POLR3G: variants seen among roughly 807,000 people sequenced by gnomAD.
The protein encoded by POLR3G is RNA polymerase III subunit G, also known as DNA-directed RNA polymerase III subunit RPC7.
In POLR3G, 28 loss-of-function variants were observed where a neutral mutation model predicts 30.1. The observed-to-expected ratio is 0.93, with a 90% confidence interval of 0.69 to 1.27. The LOEUF (loss-of-function observed/expected upper bound fraction) is 1.27, where lower values mean the gene tolerates loss of function less well. POLR3G is among the 50% of genes most tolerant of loss of function. The pLI, the probability that POLR3G is intolerant of heterozygous loss-of-function variation, is 0.00. For missense variants in POLR3G, 254 were observed against 264.6 expected, an observed-to-expected ratio of 0.96 and a Z score of 0.28; for synonymous variants, 79 against 82.5, an observed-to-expected ratio of 0.96 and a Z score of 0.23.
Position 90,511,919 on chromosome 5 carries a change from A to G in POLR3G, c.586-134A>G, listed in dbSNP as rs192094420. 7 of 625,072 alleles carry G rather than the reference A, an allele frequency of 1.1e-5. No individual in the cohort carries two copies. The Admixed American group carries it at 2.0e-4, about 18-fold the overall frequency. 38.7% of individuals were successfully genotyped at this position (625,072 alleles called of 1,614,324 possible). A position where few individuals can be genotyped will look rare whatever the true frequency, so the allele number is the denominator to read the frequency against. On this transcript the variant is annotated intron_variant, in intron 7 of 7. Coordinates refer to ENST00000651687, the MANE Select transcript of POLR3G (RefSeq NM_006467.3). Reference sequence around the variant, plus strand: ...GGAAGGTGGTGGTCTTAAGGAAGAAAGCGGCACAGGTAAACACAAGTGAAA... The same window carrying G: ...GGAAGGTGGTGGTCTTAAGGAAGAAGGCGGCACAGGTAAACACAAGTGAAA...
intron 3 of POLR3G, among the ~76,000 whole-genome samples, chr5:90,493,325 C>T (rs555511411): frequency 2.0e-5 from 3 of 152,208 alleles, no homozygotes; most frequent in Admixed American, 2.0e-4. Context: ...CAGCTCACTG[C>T]AGCCTCCACC....
Position 90,488,049 on chromosome 5 carries a change from A to G in POLR3G, c.167A>G (p.Tyr56Cys), listed in dbSNP as rs1751536498. 1.9e-6 allele frequency: 3 copies of G among 1,612,030 alleles called. No homozygotes were observed. The highest frequency in any genetic ancestry group is 2.5e-6 in the Non-Finnish European group (3 of 1,179,100). ...VPLKTGEGEE[Y>C]MLALKQELRE... ...CTGAAAACAGGAGAAGGTGAAGAAT[A>G]TATGCTGGCTTTGAAACAGGAGTTG... Residue 56 changes from tyrosine (Y) to cysteine (C), a missense_variant, in exon 3 of 8, where the codon TAT (tyrosine) becomes TGT (cysteine). By Grantham distance (194) the Tyr-to-Cys change is radical. Transcript: ENST00000651687.
At chr5:90,487,610 C>G (rs1181033730) in intron 2 of POLR3G, among the ~76,000 whole-genome samples, 1 of 151,810 alleles carries the variant, frequency 6.6e-6, no homozygotes, top group East Asian at 1.9e-4. Context: ...CCAGGATGGT[C>G]TCGATCTCCT....
At chr5:90,480,953 C>T (rs1751095959) in intron 1 of POLR3G, among the ~76,000 whole-genome samples, 2 of 152,060 alleles carry the variant, frequency 1.3e-5, no homozygotes, top group African/African-American at 2.4e-5. Flanking sequence ...GGATATTTTC[C>T]TGCTTTTTTA....
At chr5:90,509,476 G>T (rs916846058) in intron 7 of POLR3G, among the ~76,000 whole-genome samples, 1 of 152,170 alleles carries the variant, frequency 6.6e-6, no homozygotes, top group Admixed American at 6.5e-5. Flanking sequence ...GACAAAAAAG[G>T]TAACAGTTAA....
chr5:90,477,751 G>A (rs1750908705), intron 1 of POLR3G, among the ~76,000 whole-genome samples: 2 of 152,130 alleles, frequency 1.3e-5, no homozygotes, highest in Admixed American at 6.5e-5. Flanking sequence ...TGGACGAAAC[G>A]CGCAAAGCAA....
chr5:90,474,013 G>T, upstream of POLR3G: 1 of 1,596,930 alleles, frequency 6.3e-7, no homozygotes, highest in Non-Finnish European at 8.5e-7. Flanking sequence ...CGGTCGAACT[G>T]GTAGAGGCCG....
intron 6 of POLR3G, among the ~76,000 whole-genome samples, chr5:90,505,666 C>T (rs1561258489): frequency 6.6e-6 from 1 of 151,628 alleles, no homozygotes; most frequent in Non-Finnish European, 1.5e-5. Context: ...TCTCAATCTG[C>T]CAGATATATT....
intron 3 of POLR3G, chr5:90,490,570 A>ATTTT: frequency 2.6e-6 from 1 of 387,544 alleles, no homozygotes; most frequent in Non-Finnish European, 5.0e-6. Context: ...GCTAACTTTT[A>ATTTT]ATTTTTTTTT....
At chr5:90,482,969 C>T (rs996361912) in intron 1 of POLR3G, among the ~76,000 whole-genome samples, 7 of 152,002 alleles carry the variant, frequency 4.6e-5, no homozygotes, top group Admixed American at 6.6e-5. Flanking sequence ...GGAGAAACCC[C>T]GTCTCTACTA....
At chr5:90,484,750 A>G (rs1257890236) in intron 1 of POLR3G, among the ~76,000 whole-genome samples, 1 of 152,294 alleles carries the variant, frequency 6.6e-6, no homozygotes, top group African/African-American at 2.4e-5. Flanking sequence ...TCAAGGGGTT[A>G]AATGAGGCTC....
At chr5:90,502,667 A>T (rs1348286200) in intron 6 of POLR3G, among the ~76,000 whole-genome samples, 1 of 152,102 alleles carries the variant, frequency 6.6e-6, no homozygotes, top group Admixed American at 6.5e-5. Context: ...GAAGTATTTC[A>T]TACATAGCAA....
At chr5:90,487,378 ATTTTTTTTTTTTTTTT>A (rs59951999) in intron 2 of POLR3G, among the ~76,000 whole-genome samples, 5 of 57,020 alleles carry the variant, frequency 8.8e-5, no homozygotes, top group African/African-American at 4.0e-4. Context: ...TGGTACATTA[ATTTTTTTTTTTTTTTT>A]TTTTTTTTTT....
intron 3 of POLR3G, among the ~76,000 whole-genome samples, chr5:90,494,503 C>G (rs1334740134): frequency 6.6e-6 from 1 of 152,184 alleles, no homozygotes; most frequent in African/African-American, 2.4e-5. Context: ...ATTTTACATT[C>G]CCATCAATAA....
chr5:90,487,378 ATTTTTT>A (rs59951999), intron 2 of POLR3G, among the ~76,000 whole-genome samples: 2 of 57,020 alleles, frequency 3.5e-5, no homozygotes, highest in Admixed American at 2.3e-4. Context: ...TGGTACATTA[ATTTTTT>A]TTTTTTTTTT....
chr5:90,483,526 C>T (rs566669212), intron 1 of POLR3G, among the ~76,000 whole-genome samples: 6 of 152,204 alleles, frequency 3.9e-5, no homozygotes, highest in East Asian at 1.9e-4. Flanking sequence ...TGCCATTGGC[C>T]GGGCACGGTG....
At chr5:90,508,449 C>A (rs1245327427) in intron 7 of POLR3G, among the ~76,000 whole-genome samples, 2 of 151,144 alleles carry the variant, frequency 1.3e-5, no homozygotes, top group African/African-American at 4.9e-5. Context: ...ACCTCTTTTT[C>A]TGCTTGTCTC....
chr5:90,504,715 A>G (rs1399664408), intron 6 of POLR3G, among the ~76,000 whole-genome samples: 6 of 152,216 alleles, frequency 3.9e-5, no homozygotes, highest in Admixed American at 3.3e-4. Context: ...TATACAACTT[A>G]TTGGTTGCAG....
At chr5:90,482,588 T>C (rs1751197898) in intron 1 of POLR3G, among the ~76,000 whole-genome samples, 1 of 152,202 alleles carries the variant, frequency 6.6e-6, no homozygotes, top group Non-Finnish European at 1.5e-5. Flanking sequence ...TTCGGAGTCA[T>C]GCAGCTGGAG....
Sources: allele counts gnomAD v4.1 joint callset (sites outside exome capture counted in the v4.1 genomes callset), GRCh38; gene constraint gnomAD v4.1.1; transcripts MANE v1.5; gene names NCBI Gene and HGNC (gene_info 2026-07-23, HGNC 2026-07-21).